The following PCDH9 variants were observed in gnomAD, a reference collection of about 807,000 sequenced individuals.
PCDH9 encodes the protein protocadherin-9.
In PCDH9, 24 loss-of-function variants were observed where a neutral mutation model predicts 70.6. The observed-to-expected ratio is 0.34, with a 90% CI of 0.25 to 0.48. The LOEUF is 0.48. Among genes scored for constraint, PCDH9 ranks in the 20% least tolerant of loss-of-function variants. The pLI is 0.99. For synonymous variants in PCDH9, 562 were observed against 558.5 expected (o/e 1.01, Z -0.09); for missense variants, 1,281 against 1,503.6 (o/e 0.85, Z 2.45).
chr13:67,133,714 C>A (rs773890186), intron 2 of PCDH9, among the ~76,000 whole-genome samples: 1 of 151,974 alleles, frequency 6.6e-6, no homozygotes, highest in Non-Finnish European at 1.5e-5. Context: ...ACTGCATTGC[C>A]TTTTCTTGTG....
chr13:66,565,392 A>G (rs2138722441), intron 4 of PCDH9, among the ~76,000 whole-genome samples: 1 of 152,326 alleles, frequency 6.6e-6, no homozygotes. Flanking sequence ...TTCACAGCAT[A>G]TGATAAAGAA....
At chr13:67,139,260 A>G (rs1310206627) in intron 2 of PCDH9, among the ~76,000 whole-genome samples, 1 of 152,192 alleles carries the variant, frequency 6.6e-6, no homozygotes. Context: ...CATTAAAATA[A>G]TTTGGGTTTT....
chr13:66,307,841 T>C (rs571498954), intron 4 of PCDH9, among the ~76,000 whole-genome samples: 178 of 152,202 alleles, frequency 1.2e-3, no homozygotes, highest in Non-Finnish European at 1.8e-3. Context: ...TGTGTGCGCG[T>C]TTATAAGAAT....
At chr13:67,082,624 T>C (rs1371841624) in intron 2 of PCDH9, among the ~76,000 whole-genome samples, 1 of 152,206 alleles carries the variant, frequency 6.6e-6, no homozygotes, top group African/African-American at 2.4e-5. Flanking sequence ...TGTCTCTGAA[T>C]TGTGGTTTAA....
At chr13:66,820,697 AGGGACAT>A (rs2080695818) in intron 3 of PCDH9, among the ~76,000 whole-genome samples, 1 of 152,192 alleles carries the variant, frequency 6.6e-6, no homozygotes, top group African/African-American at 2.4e-5. Context: ...TTTCCTTTAC[AGGGACAT>A]GGATGGAGCT....
At chr13:67,059,501 T>G (rs1318904337) in intron 2 of PCDH9, among the ~76,000 whole-genome samples, 3 of 150,686 alleles carry the variant, frequency 2.0e-5, no homozygotes, top group Non-Finnish European at 3.0e-5. Context: ...GGAGGGTGAT[T>G]GCAAATGAAG....
At chr13:67,129,868 A>G (rs571074215) in intron 2 of PCDH9, among the ~76,000 whole-genome samples, 5 of 152,060 alleles carry the variant, frequency 3.3e-5, no homozygotes, top group Non-Finnish European at 7.4e-5. Flanking sequence ...ATAAAAGCAG[A>G]GAAAAAATTA....
intron 4 of PCDH9, among the ~76,000 whole-genome samples, chr13:66,605,619 G>C (rs1346735316): frequency 6.6e-6 from 1 of 152,156 alleles, no homozygotes. Context: ...AGCAAATGAA[G>C]TGTCCACATG....
chr13:66,928,784 T>C (rs1461881493), intron 2 of PCDH9, among the ~76,000 whole-genome samples: 1 of 152,166 alleles, frequency 6.6e-6, no homozygotes, highest in Non-Finnish European at 1.5e-5. Flanking sequence ...AATACATTTC[T>C]ATTTTTTATA....
At chr13:66,774,205 A>C (rs1482189286) in intron 3 of PCDH9, among the ~76,000 whole-genome samples, 1 of 152,196 alleles carries the variant, frequency 6.6e-6, no homozygotes, top group African/African-American at 2.4e-5. Context: ...TATATTCATA[A>C]GGGACTAAAG....
intron 3 of PCDH9, among the ~76,000 whole-genome samples, chr13:66,784,565 T>C (rs1473417014): frequency 6.6e-6 from 1 of 152,182 alleles, no homozygotes. Context: ...TTTGAGTTTT[T>C]CTATTACATG....
Position 67,004,618 on chromosome 13 carries a change from A to G in PCDH9, c.3037-101013T>C, listed in dbSNP as rs61959238. ...GTATAGCATTCATTTTTGTTATAAC[A>G]TATTTCAAAATCAATATGTTTTAAA... On this transcript the variant is annotated intron_variant, in intron 2 of 4. Transcript: ENST00000377865. Among the ~76,000 whole-genome samples the G allele has an allele frequency of 1.7e-3, 253 of 152,140 alleles. 1 individual carries two copies. Among genetic ancestry groups the G allele is most frequent in the South Asian group, 3.1e-3 (15 of 4,830 alleles).
chr13:66,439,737 G>C lies in PCDH9; in HGVS notation c.3341-134709C>G, dbSNP rs542762117. Among the ~76,000 whole-genome samples the C allele has an allele frequency of 5.3e-5, 8 of 152,180 alleles. No individual in the cohort carries two copies. In the South Asian group the frequency reaches 1.7e-3, roughly 32 times the overall value. On this transcript the variant is annotated intron_variant, in intron 4 of 4. Coordinates refer to ENST00000377865, the MANE Select transcript of PCDH9 (RefSeq NM_203487.3). ...TTTATTTATGGTGTTAGGCTTCACG[G>C]TATGTATAAATTACACAAAATGTTG...
chr13:67,180,650 G>A (rs981013551), intron 2 of PCDH9, among the ~76,000 whole-genome samples: 10 of 152,106 alleles, frequency 6.6e-5, no homozygotes, highest in Non-Finnish European at 1.0e-4. Context: ...TGGTCTTCAC[G>A]AGCGGAGCCA....
intron 4 of PCDH9, among the ~76,000 whole-genome samples, chr13:66,383,142 T>C (rs947190141): frequency 6.6e-6 from 1 of 152,208 alleles, no homozygotes; most frequent in South Asian, 2.1e-4. Context: ...TATTTTCTGA[T>C]GATCAACAAC....
chr13:67,017,112 A>C (rs1345655020), intron 2 of PCDH9, among the ~76,000 whole-genome samples: 1 of 152,242 alleles, frequency 6.6e-6, no homozygotes, highest in Non-Finnish European at 1.5e-5. Context: ...GCAAATGTGT[A>C]TCATACATAG....
intron 4 of PCDH9, among the ~76,000 whole-genome samples, chr13:66,541,781 ACTGT>A (rs1960967666): frequency 6.6e-6 from 1 of 152,194 alleles, no homozygotes; most frequent in Non-Finnish European, 1.5e-5. Flanking sequence ...TCGGGTGGAA[ACTGT>A]CTGACCCACT....
chr13:66,955,587 G>A (rs906190186), intron 2 of PCDH9, among the ~76,000 whole-genome samples: 1 of 152,118 alleles, frequency 6.6e-6, no homozygotes, highest in Non-Finnish European at 1.5e-5. Flanking sequence ...TTCCAAACAT[G>A]AATCAGTTTT....
chr13:67,183,447 C>A (rs1376227086), intron 2 of PCDH9, among the ~76,000 whole-genome samples: 1 of 152,126 alleles, frequency 6.6e-6, no homozygotes, highest in Non-Finnish European at 1.5e-5. Context: ...CCAAATTTAT[C>A]TGTAACTCCA....
Sources: gnomAD v4.1 joint callset for allele counts (sites outside exome capture counted in the v4.1 genomes callset) on GRCh38, gnomAD v4.1.1 for gene constraint, MANE v1.5 for transcripts, NCBI Gene and HGNC (gene_info 2026-07-23, HGNC 2026-07-21) for gene names.